ZSWIM5: variants seen among roughly 807,000 people sequenced by gnomAD.
ZSWIM5 encodes the protein zinc finger SWIM-type containing 5, also known as zinc finger SWIM domain-containing protein 5.
Under a neutral mutation model 119.6 loss-of-function variants are expected in ZSWIM5, and 55 were observed. The ratio of observed to expected loss-of-function variants is 0.46; its 90% confidence interval spans 0.37 to 0.58. ZSWIM5 has a LOEUF of 0.58. Among genes scored for constraint, ZSWIM5 ranks in the 20% least tolerant of loss-of-function variants. The probability of loss-of-function intolerance (pLI) is 0.00; values close to 1 mark genes in which losing one functional copy is unlikely to be tolerated. For synonymous variants in ZSWIM5, 537 were observed against 606.9 expected, an observed-to-expected ratio of 0.88 and a Z score of 1.69; for missense variants, 1,193 against 1,512.8, an observed-to-expected ratio of 0.79 and a Z score of 3.51.
At chr1:45,165,336 C>A (rs1320524051) in intron 1 of ZSWIM5, among the ~76,000 whole-genome samples, 1 of 151,976 alleles carries the variant, frequency 6.6e-6, no homozygotes, top group Non-Finnish European at 1.5e-5. Flanking sequence ...GGGAAATTTA[C>A]AGCACTAAAT....
At chr1:45,038,017 C>T (rs1284043228) in intron 8 of ZSWIM5, among the ~76,000 whole-genome samples, 1 of 152,070 alleles carries the variant, frequency 6.6e-6, no homozygotes, top group Non-Finnish European at 1.5e-5. Flanking sequence ...AGCTGACAGT[C>T]TAGTAAGAGA....
At chr1:45,149,781 C>G (rs1645785143) in intron 1 of ZSWIM5, among the ~76,000 whole-genome samples, 1 of 152,120 alleles carries the variant, frequency 6.6e-6, no homozygotes, top group South Asian at 2.1e-4. Flanking sequence ...TTATCACATT[C>G]TTTATAAAAC....
intron 1 of ZSWIM5, among the ~76,000 whole-genome samples, chr1:45,149,230 C>T (rs530666084): frequency 3.3e-5 from 5 of 152,206 alleles, no homozygotes; most frequent in Middle Eastern, 3.4e-3. Flanking sequence ...TACCACATCA[C>T]GCTAGCCTGG....
intron 1 of ZSWIM5, 117 bp downstream of exon 1, chr1:45,205,639 G>C: frequency 9.1e-7 from 1 of 1,102,998 alleles, no homozygotes; most frequent in Admixed American, 3.8e-5. Flanking sequence ...TTCGTCCTTC[G>C]GCAGGGGTAC....
Position 45,019,387 on chromosome 1 carries a change from G to T in ZSWIM5, c.2696-71C>A. ...TTCAGGTCTACCCAGATTACCATTT[G>T]GGGTTTGAACTTGGCCTGCAGAGAT... is the stretch of plus-strand genomic sequence containing the variant. On this transcript the variant is annotated intron_variant, in intron 13 of 13. Transcript: ENST00000359600. The surrounding 1 kb of genome is among the most constrained non-coding windows in gnomAD (Gnocchi z 5.0). 1.3e-6 allele frequency: 2 copies of T among 1,536,014 alleles called. No homozygotes were observed. Among genetic ancestry groups the T allele is most frequent in the Admixed American group, 1.9e-5 (1 of 52,804 alleles).
Position 45,035,704 on chromosome 1 carries a change from C to CTAA in ZSWIM5, c.2272_2274dup (p.Leu758dup). 1 of 1,613,586 alleles carries CTAA rather than the reference C, an allele frequency of 6.2e-7. No individual in the cohort carries two copies. The highest frequency in any genetic ancestry group is 8.5e-7 in the Non-Finnish European group (1 of 1,179,980). ...GCTACCCACCTCATGGCACGTAAGG[C>CTAA]TAATTTATAGGACAGGTCTGGATCA... is the stretch of plus-strand genomic sequence containing the variant. On this transcript the variant is annotated inframe_insertion, in exon 10 of 14. Coordinates refer to ENST00000359600, the MANE Select transcript of ZSWIM5 (RefSeq NM_020883.2).
intron 1 of ZSWIM5, among the ~76,000 whole-genome samples, chr1:45,103,204 G>C (rs938391268): frequency 8.5e-5 from 13 of 152,048 alleles, no homozygotes; most frequent in African/African-American, 3.1e-4. Flanking sequence ...TTATGCTTCT[G>C]CCAATTTTTA....
Position 45,047,940 on chromosome 1 carries a change from A to G in ZSWIM5, c.1432+3134T>C, listed in dbSNP as rs1401709523. Among the ~76,000 whole-genome samples, 8 of 152,336 alleles carry G rather than the reference A, an allele frequency of 5.3e-5. No homozygotes were observed. In the East Asian group the frequency reaches 1.5e-3, roughly 29 times the overall value. On this transcript the variant is annotated intron_variant, in intron 5 of 13. Coordinates refer to ENST00000359600, the MANE Select transcript of ZSWIM5 (RefSeq NM_020883.2). ...AATTTATAAGAGTGAAAGATGGCAC[A>G]GACTAGGGAAATGTACTAGATGTCT...
intron 9 of ZSWIM5, 55 bp downstream of exon 9, chr1:45,035,984 G>A (rs1219709381): frequency 1.3e-5 from 21 of 1,587,050 alleles, no homozygotes; most frequent in Non-Finnish European, 1.7e-5. Flanking sequence ...ATTGGAGAGG[G>A]GAGCTCAGGG....
rs576230509 is a variant in ZSWIM5, at chr1:45,081,796, T to C, written c.952+6085A>G. On this transcript the variant is annotated intron_variant, in intron 2 of 13. Coordinates refer to ENST00000359600, the MANE Select transcript of ZSWIM5 (RefSeq NM_020883.2). ...CATCGTCTGGAAAGTGAGGAGCCCC[T>C]CTGCCCGGCCACCACCCCGTCTGGG... Among the ~76,000 whole-genome samples, 4 of 152,268 alleles carry C rather than the reference T, an allele frequency of 2.6e-5. No homozygotes were observed. The East Asian group carries it at 7.7e-4, about 29-fold the overall frequency.
At chr1:45,060,383 C>T (rs1243762681) in intron 2 of ZSWIM5, 136 bp from the exon 3 acceptor site, 4 of 783,360 alleles carry the variant, frequency 5.1e-6, no homozygotes, top group Non-Finnish European at 7.7e-6. Context: ...ACTGTATAGT[C>T]CTAAACAAAA....
At chr1:45,142,039 T>C (rs1645730738) in intron 1 of ZSWIM5, among the ~76,000 whole-genome samples, 1 of 152,054 alleles carries the variant, frequency 6.6e-6, no homozygotes, top group African/African-American at 2.4e-5. Context: ...TGAAACTTCA[T>C]CTCTACAAAA....
chr1:45,044,519 C>T (rs1182559365), intron 5 of ZSWIM5, among the ~76,000 whole-genome samples: 3 of 148,640 alleles, frequency 2.0e-5, no homozygotes, highest in African/African-American at 5.0e-5. Flanking sequence ...GTCAGGAGAT[C>T]GAGACCATCC....
intron 2 of ZSWIM5, among the ~76,000 whole-genome samples, chr1:45,063,955 T>C (rs4660835): frequency 0.94 from 142,050 of 151,442 alleles, 66,666 homozygotes; most frequent in Middle Eastern, 0.99. Flanking sequence ...GCACTCCAGC[T>C]TGGGCGACAG....
intron 1 of ZSWIM5, among the ~76,000 whole-genome samples, chr1:45,147,129 C>T (rs1210125082): frequency 3.3e-5 from 5 of 150,666 alleles, no homozygotes; most frequent in Admixed American, 6.6e-5. Flanking sequence ...GGCTGGAGTG[C>T]GGTGGTACAA....
chr1:45,149,082 A>C (rs1645779608), intron 1 of ZSWIM5, among the ~76,000 whole-genome samples: 1 of 152,148 alleles, frequency 6.6e-6, no homozygotes, highest in Non-Finnish European at 1.5e-5. Context: ...CAGCCTGGGC[A>C]ATATAGTAAG....
intron 1 of ZSWIM5, among the ~76,000 whole-genome samples, chr1:45,138,045 A>G (rs2149033072): frequency 6.6e-6 from 1 of 152,296 alleles, no homozygotes; most frequent in South Asian, 2.1e-4. Flanking sequence ...TTTCTTACCA[A>G]TCTCATTTCT....
At chr1:45,033,846 G>C (rs1569998596) in intron 11 of ZSWIM5, among the ~76,000 whole-genome samples, 1 of 150,986 alleles carries the variant, frequency 6.6e-6, no homozygotes, top group East Asian at 1.9e-4. Context: ...CTAGGGTAAA[G>C]TTTTGGCTTG....
chr1:45,175,986 G>A (rs1244263076), intron 1 of ZSWIM5, among the ~76,000 whole-genome samples: 1 of 151,654 alleles, frequency 6.6e-6, no homozygotes, highest in Admixed American at 6.6e-5. Flanking sequence ...TACTTTCTCT[G>A]CCTCACCCCT....
Sources: gnomAD v4.1 joint callset for allele counts (sites outside exome capture counted in the v4.1 genomes callset) on GRCh38, gnomAD v4.1.1 for gene constraint, Gnocchi (gnomAD v3.1) non-coding constraint, MANE v1.5 for transcripts, NCBI Gene and HGNC (gene_info 2026-07-23, HGNC 2026-07-21) for gene names.